The following CERS6 variants were observed in gnomAD, a reference collection of about 807,000 sequenced individuals.
CERS6 encodes the protein LAG1 homolog, ceramide synthase 6.
CERS6 carries 26 observed loss-of-function variants against 56.8 expected under a neutral mutation model. The ratio of observed to expected loss-of-function variants is 0.46; its 90% CI spans 0.34 to 0.63. CERS6 has a LOEUF of 0.63. Among genes scored for constraint, CERS6 ranks in the 30% least tolerant of loss-of-function variants. The pLI is 0.01. For missense variants in CERS6, 415 were observed against 467.5 expected, an observed-to-expected ratio of 0.89 and a Z score of 1.04; for synonymous variants, 164 against 173.3, an observed-to-expected ratio of 0.95 and a Z score of 0.42.
intron 3 of CERS6, among the ~76,000 whole-genome samples, chr2:168,620,760 CTTTTT>C (rs112105394): frequency 1.5e-5 from 2 of 130,682 alleles, no homozygotes; most frequent in African/African-American, 2.9e-5. Context: ...GGAAATTCAC[CTTTTT>C]TTTTTTTTTT....
At chr2:168,763,213 G>A (rs1423673574) in intron 8 of CERS6, among the ~76,000 whole-genome samples, 4 of 146,046 alleles carry the variant, frequency 2.7e-5, no homozygotes, top group Non-Finnish European at 4.5e-5. Context: ...TATTCCAGCT[G>A]CAATAATTGT....
chr2:168,738,938 T>C (rs1430919548), intron 8 of CERS6, among the ~76,000 whole-genome samples: 1 of 151,718 alleles, frequency 6.6e-6, no homozygotes, highest in Non-Finnish European at 1.5e-5. Context: ...CAGGCTGGAG[T>C]GCAGCGGCAC....
At chr2:168,618,975 C>G (rs1331374994) in intron 3 of CERS6, among the ~76,000 whole-genome samples, 1 of 151,924 alleles carries the variant, frequency 6.6e-6, no homozygotes, top group Non-Finnish European at 1.5e-5. Context: ...ACTATAAGGC[C>G]ATAGTCACCA....
At chr2:168,728,727 C>T (rs944323363) in intron 8 of CERS6, among the ~76,000 whole-genome samples, 7 of 151,862 alleles carry the variant, frequency 4.6e-5, no homozygotes, top group African/African-American at 1.7e-4. Context: ...TGTCGCCGGC[C>T]AGTCGCAGTG....
At chr2:168,471,122 C>T (rs1255852346) in intron 1 of CERS6, among the ~76,000 whole-genome samples, 3 of 152,198 alleles carry the variant, frequency 2.0e-5, no homozygotes, top group African/African-American at 7.2e-5. Flanking sequence ...CCATGGCTTA[C>T]CGCTTATTTG....
intron 3 of CERS6, among the ~76,000 whole-genome samples, chr2:168,598,550 C>G (rs1683857225): frequency 6.6e-6 from 1 of 151,936 alleles, no homozygotes; most frequent in Non-Finnish European, 1.5e-5. Context: ...ATGATTATCA[C>G]ATGGTACTCG....
intron 3 of CERS6, among the ~76,000 whole-genome samples, chr2:168,565,892 G>A (rs1695875076): frequency 6.6e-6 from 1 of 152,218 alleles, no homozygotes; most frequent in South Asian, 2.1e-4. Context: ...CATTTGAGAA[G>A]CAACTGGTTC....
intron 3 of CERS6, among the ~76,000 whole-genome samples, chr2:168,602,358 T>G (rs1289666027): frequency 2.0e-5 from 3 of 152,260 alleles, no homozygotes; most frequent in Non-Finnish European, 4.4e-5. Flanking sequence ...GTCTATAATT[T>G]TAGTACTTTT....
intron 3 of CERS6, among the ~76,000 whole-genome samples, chr2:168,588,198 G>A (rs1178842268): frequency 2.0e-5 from 3 of 151,878 alleles, no homozygotes; most frequent in Non-Finnish European, 2.9e-5. Context: ...GGGATTACAG[G>A]CAAGAGCCAC....
At chr2:168,479,280 T>C (rs1437418952) in intron 1 of CERS6, among the ~76,000 whole-genome samples, 2 of 152,242 alleles carry the variant, frequency 1.3e-5, no homozygotes, top group Non-Finnish European at 2.9e-5. Context: ...TGTATTTTTA[T>C]TTATTCCATT....
rs1694054373 is a variant in CERS6, at chr2:168,475,602, A to G, written c.170+18984A>G. On this transcript the variant is annotated intron_variant, in intron 1 of 9. Coordinates refer to ENST00000305747, the MANE Select transcript of CERS6 (RefSeq NM_203463.3). ...GCTAGCAGTAATAGTTTAGTGAAAAAGGAGTGATTATATATAATATTTTTA... is the reference window on the plus strand; with the variant it reads ...GCTAGCAGTAATAGTTTAGTGAAAAGGGAGTGATTATATATAATATTTTTA... Among the ~76,000 whole-genome samples, 2 of 152,230 alleles carry G rather than the reference A, an allele frequency of 1.3e-5. 1 individual carries two copies. The highest frequency in any genetic ancestry group is 4.1e-4 in the South Asian group (2 of 4,830).
chr2:168,590,662 G>A (rs773156812), intron 3 of CERS6, among the ~76,000 whole-genome samples: 19 of 152,054 alleles, frequency 1.2e-4, no homozygotes, highest in Non-Finnish European at 2.4e-4. Flanking sequence ...GTCATGTTAC[G>A]TATACAATTT....
intron 8 of CERS6, among the ~76,000 whole-genome samples, chr2:168,752,573 C>G (rs998492391): frequency 6.6e-6 from 1 of 152,164 alleles, no homozygotes; most frequent in African/African-American, 2.4e-5. Context: ...TTGCCTGGTT[C>G]CCTGTGGAAG....
At chr2:168,763,385 C>T (rs936333621) in intron 8 of CERS6, among the ~76,000 whole-genome samples, 4 of 151,490 alleles carry the variant, frequency 2.6e-5, no homozygotes, top group African/African-American at 9.7e-5. Flanking sequence ...GGGACTACAA[C>T]AGGCACACAC....
chr2:168,751,150 G>A (rs1450941096), intron 8 of CERS6, among the ~76,000 whole-genome samples: 1 of 152,186 alleles, frequency 6.6e-6, no homozygotes, highest in African/African-American at 2.4e-5. Context: ...AGAGGTTATA[G>A]CAGGAAGTGT....
At chr2:168,590,264 G>T (rs986748459) in intron 3 of CERS6, among the ~76,000 whole-genome samples, 2 of 152,172 alleles carry the variant, frequency 1.3e-5, no homozygotes, top group Admixed American at 6.5e-5. Context: ...TGGTTTAAAG[G>T]CTGTGCTTTA....
intron 1 of CERS6, among the ~76,000 whole-genome samples, chr2:168,470,443 C>A (rs74685612): frequency 6.6e-6 from 1 of 152,094 alleles, no homozygotes; most frequent in East Asian, 1.9e-4. Context: ...CCCACTGTCC[C>A]TGTGCCACAT....
intron 3 of CERS6, among the ~76,000 whole-genome samples, chr2:168,612,899 G>T (rs1435657604): frequency 6.6e-6 from 1 of 152,170 alleles, no homozygotes; most frequent in Non-Finnish European, 1.5e-5. Context: ...CTTTGTGACT[G>T]CTCTGTCATG....
chr2:168,687,333 T>C (rs1686377786), intron 4 of CERS6, among the ~76,000 whole-genome samples: 4 of 152,270 alleles, frequency 2.6e-5, no homozygotes, highest in Admixed American at 2.6e-4. Flanking sequence ...AGCTGCCTGA[T>C]ACATGGTAAA....
Sources: gnomAD v4.1 joint callset for allele counts (sites outside exome capture counted in the v4.1 genomes callset) on GRCh38, gnomAD v4.1.1 for gene constraint, MANE v1.5 for transcripts, NCBI Gene and HGNC (gene_info 2026-07-23, HGNC 2026-07-21) for gene names.